Variants in TNKS observed in about 807,000 individuals in gnomAD.
TNKS encodes tankyrase.
A neutral mutation model predicts 135.8 loss-of-function variants in TNKS; 72 were observed. The observed-to-expected ratio is 0.53, with a 90% CI of 0.44 to 0.64. TNKS has a LOEUF of 0.64. TNKS is among the 30% of genes least tolerant of loss of function. The pLI is 0.00. For synonymous variants in TNKS, 849 were observed against 649.3 expected, an observed-to-expected ratio of 1.31 and a Z score of -4.68; for missense variants, 1,769 against 1,674.0, an observed-to-expected ratio of 1.06 and a Z score of -0.99.
At position 9,778,805 on chromosome 8, in the gene TNKS, C is replaced by G. The variant is rs892989315; in HGVS notation, c.*2069C>G. 1.3e-5 allele frequency: 2 copies of G among 152,128 alleles called. No individual in the cohort carries two copies. Among genetic ancestry groups the G allele is most frequent in the Admixed American group, 6.6e-5 (1 of 15,266 alleles). 9.4% of individuals were successfully genotyped at this position (152,128 alleles called of 1,614,324 possible). ...CCCAGACGTAGTTTAAAATGGTAAA[C>G]ACAGCTGTGATTTTTAGTTAAGTAA... On this transcript the variant is annotated 3_prime_UTR_variant, in exon 27 of 27. Transcript: ENST00000310430.
intron 2 of TNKS, among the ~76,000 whole-genome samples, chr8:9,600,792 A>G (rs1031032270): frequency 1.4e-4 from 22 of 152,176 alleles, no homozygotes; most frequent in African/African-American, 4.8e-4. Flanking sequence ...ATGAAAGACA[A>G]AGACTTTCAT....
At chr8:9,765,825 G>A (rs760624854) in intron 24 of TNKS, 28 bp downstream of exon 24, 29 of 1,584,458 alleles carry the variant, frequency 1.8e-5, no homozygotes, top group Admixed American at 5.0e-5. Flanking sequence ...GACGGTGGAC[G>A]TCTCCCTGGG....
At chr8:9,773,171 G>C (rs1260258041) in intron 26 of TNKS, among the ~76,000 whole-genome samples, 2 of 151,250 alleles carry the variant, frequency 1.3e-5, no homozygotes, top group African/African-American at 4.9e-5. Flanking sequence ...ATTTGTATTG[G>C]AATAATCAGT....
chr8:9,601,416 C>A (rs1268681763), intron 2 of TNKS, among the ~76,000 whole-genome samples: 1 of 152,204 alleles, frequency 6.6e-6, no homozygotes, highest in Non-Finnish European at 1.5e-5. Context: ...TCCCCATCAT[C>A]ATTGTTTGTA....
At chr8:9,584,940 C>G (rs191295283) in intron 2 of TNKS, among the ~76,000 whole-genome samples, 1 of 152,142 alleles carries the variant, frequency 6.6e-6, no homozygotes, top group South Asian at 2.1e-4. Context: ...AATACCCCAA[C>G]ATCTAGACAT....
intron 3 of TNKS, among the ~76,000 whole-genome samples, chr8:9,662,510 C>T (rs1428708465): frequency 6.6e-6 from 1 of 152,124 alleles, no homozygotes; most frequent in African/African-American, 2.4e-5. Flanking sequence ...AAACCAAACA[C>T]CGTATGTTCT....
chr8:9,668,511 C>G (rs1563155604), intron 3 of TNKS, among the ~76,000 whole-genome samples: 1 of 152,132 alleles, frequency 6.6e-6, no homozygotes, highest in Non-Finnish European at 1.5e-5. Flanking sequence ...ACAAGATAAA[C>G]TAGTTTGATA....
intron 17 of TNKS, among the ~76,000 whole-genome samples, chr8:9,746,801 C>G (rs1031755823): frequency 2.0e-5 from 3 of 150,864 alleles, no homozygotes; most frequent in Admixed American, 2.0e-4. Flanking sequence ...ACGATCTGCA[C>G]AATGTCTTTA....
In TNKS at chr8:9,580,191, C is replaced by G; in HGVS notation, c.706C>G (p.Leu236Val). 6.2e-7 allele frequency: 1 copy of G among 1,614,112 alleles called. No homozygotes were observed. Among genetic ancestry groups the G allele is most frequent in the Non-Finnish European group, 8.5e-7 (1 of 1,180,012 alleles). The change falls in exon 2 of 27, where the codon CTA becomes GTA. Residue 236 changes from leucine to valine, a missense_variant. By Grantham distance (32) the Leu-to-Val change is conservative. This residue lies in a region of TNKS where 523 missense variants were observed against 541.0 expected (regional missense o/e 0.97). Transcript: ENST00000310430. Reference sequence around the variant, plus strand: ...AAGGAAGGATGTTGTAGAACACTTACTACAGATGGGTGCTAATGTCCACGC... The same window carrying G: ...AAGGAAGGATGTTGTAGAACACTTAGTACAGATGGGTGCTAATGTCCACGC... ...FGRKDVVEHLLQMGANVHARD... is the reference protein window; with the variant it reads ...FGRKDVVEHLVQMGANVHARD...
intron 11 of TNKS, among the ~76,000 whole-genome samples, chr8:9,711,999 C>T (rs1804357539): frequency 6.6e-6 from 1 of 152,150 alleles, no homozygotes; most frequent in Non-Finnish European, 1.5e-5. Context: ...TTCGCAAGAA[C>T]ATCAGTAAAG....
At chr8:9,710,117 T>A in intron 10 of TNKS, 25 bp from the exon 11 acceptor site, 1 of 1,613,346 alleles carries the variant, frequency 6.2e-7, no homozygotes, top group Non-Finnish European at 8.5e-7. Context: ...ACAATTACCT[T>A]TTCTTTCTTT....
rs191830358 is a variant in TNKS at position 9,691,064 on chromosome 8, C to T, written c.1107+10264C>T. ...GGATTTAGTGCTCAATTTAGGGTGTCACATTTTAAGAAGGGATATTGACCA... is the reference window on the plus strand; with the variant it reads ...GGATTTAGTGCTCAATTTAGGGTGTTACATTTTAAGAAGGGATATTGACCA... On this transcript the variant is annotated intron_variant, in intron 5 of 26. Coordinates refer to ENST00000310430, the MANE Select transcript of TNKS (RefSeq NM_003747.3). 8.5e-5 allele frequency among the ~76,000 whole-genome samples: 13 copies of T among 152,218 alleles called. No homozygotes were observed. The East Asian group carries it at 2.5e-3, about 29-fold the overall frequency.
chr8:9,736,394 A>G (rs1395163310), intron 17 of TNKS, among the ~76,000 whole-genome samples: 1 of 151,054 alleles, frequency 6.6e-6, no homozygotes, highest in East Asian at 1.9e-4. Flanking sequence ...TGAGCAGTTG[A>G]TATATATGGT....
chr8:9,677,279 C>G (rs935082607), intron 3 of TNKS, among the ~76,000 whole-genome samples: 2 of 152,104 alleles, frequency 1.3e-5, no homozygotes, highest in East Asian at 3.9e-4. Context: ...GTTGGATGCA[C>G]TTAATATATT....
chr8:9,748,277 G>A (rs979555440), intron 18 of TNKS, 65 bp downstream of exon 18: 168 of 1,293,048 alleles, frequency 1.3e-4, no homozygotes, highest in Middle Eastern at 2.2e-4. Flanking sequence ...TCAGATTCTC[G>A]GGTTCACCAG....
chr8:9,567,655 G>T (rs914158608), intron 1 of TNKS, among the ~76,000 whole-genome samples: 1 of 152,180 alleles, frequency 6.6e-6, no homozygotes, highest in Non-Finnish European at 1.5e-5. Context: ...CTGATCTTGT[G>T]ATCTGCCCGC....
At chr8:9,704,792 G>GT in intron 6 of TNKS, 35 bp downstream of exon 6, 3 of 1,551,904 alleles carry the variant, frequency 1.9e-6, no homozygotes, top group Non-Finnish European at 2.7e-6. Flanking sequence ...TCAGTGCTTT[G>GT]TTTTTTGTCT....
intron 17 of TNKS, among the ~76,000 whole-genome samples, chr8:9,742,406 C>T (rs1323717985): frequency 2.7e-5 from 4 of 150,750 alleles, no homozygotes; most frequent in Non-Finnish European, 5.9e-5. Context: ...TCAGCAATCT[C>T]GCATGACATA....
intron 2 of TNKS, among the ~76,000 whole-genome samples, chr8:9,598,551 C>G (rs920232204): frequency 2.0e-5 from 3 of 151,078 alleles, no homozygotes; most frequent in Non-Finnish European, 4.4e-5. Context: ...GAAAAATTAG[C>G]TGGGCATGGT....
Sources: allele counts gnomAD v4.1 joint callset (sites outside exome capture counted in the v4.1 genomes callset), GRCh38; gene constraint gnomAD v4.1.1; regional missense constraint gnomAD v4.1.1; transcripts MANE v1.5; gene names NCBI Gene and HGNC (gene_info 2026-07-23, HGNC 2026-07-21).